The following NRSN1 variants were observed in gnomAD, a reference collection of about 807,000 sequenced individuals.
NRSN1 encodes the protein neurensin-1.
Under a neutral mutation model 17.3 loss-of-function variants are expected in NRSN1, and 14 were observed. The observed-to-expected ratio is 0.81, with a 90% CI of 0.54 to 1.27. The LOEUF (loss-of-function observed/expected upper bound fraction) is 1.27, where lower values mean the gene tolerates loss of function less well. Ranked by LOEUF, NRSN1 falls within the 50% of genes most tolerant of loss-of-function variation. The pLI is 0.00. For missense variants in NRSN1, 209 were observed against 235.9 expected, an observed-to-expected ratio of 0.89 and a Z score of 0.75; for synonymous variants, 79 against 94.2, an observed-to-expected ratio of 0.84 and a Z score of 0.93.
chr6:24,139,622 A>G (rs1342533480), intron 3 of NRSN1, among the ~76,000 whole-genome samples: 1 of 152,188 alleles, frequency 6.6e-6, no homozygotes, highest in Non-Finnish European at 1.5e-5. Flanking sequence ...TGGTTGTCAG[A>G]AATATGGTCT....
At chr6:24,128,769 A>G (rs192292985) in intron 2 of NRSN1, 1 of 152,318 alleles carries the variant, frequency 6.6e-6, no homozygotes, top group East Asian at 1.9e-4. Flanking sequence ...TCATTATCTC[A>G]GAATCATTTT....
At chr6:24,129,222 T>A (rs1027437971) in intron 2 of NRSN1, 1 of 152,234 alleles carries the variant, frequency 6.6e-6, no homozygotes, top group South Asian at 2.1e-4. Context: ...TATTGCTTCA[T>A]GAGTGTGTCT....
chr6:24,136,241 G>A (rs749790117), intron 3 of NRSN1, among the ~76,000 whole-genome samples: 1 of 152,200 alleles, frequency 6.6e-6, no homozygotes, highest in Non-Finnish European at 1.5e-5. Flanking sequence ...AGCTATATTA[G>A]CTACTATTAC....
chr6:24,126,340 G>T lies in NRSN1; in HGVS notation c.-83G>T. The T allele has an allele frequency of 6.2e-6, 1 of 161,352 alleles. No individual in the cohort carries two copies. The highest frequency in any genetic ancestry group is 1.8e-4 in the South Asian group (1 of 5,622). The allele number at this position is 161,352 out of a possible 1,614,324, so 10.0% of individuals were successfully genotyped here. A position where few individuals can be genotyped will look rare whatever the true frequency, so the allele number is the denominator to read the frequency against. On this transcript the variant is annotated splice_region_variant and 5_prime_UTR_variant, in exon 1 of 4. Coordinates refer to ENST00000378491, the MANE Select transcript of NRSN1 (RefSeq NM_080723.5). ...CTCCACGGGTCAGGGGATCGGAGGGGGTAGGTAAAGCCACGCAGAGTCCAG... is the reference window on the plus strand; with the variant it reads ...CTCCACGGGTCAGGGGATCGGAGGGTGTAGGTAAAGCCACGCAGAGTCCAG...
intron 2 of NRSN1, among the ~76,000 whole-genome samples, chr6:24,131,944 G>T (rs1039893153): frequency 4.6e-5 from 7 of 152,068 alleles, no homozygotes; most frequent in African/African-American, 1.7e-4. Flanking sequence ...GTTCGTGTGT[G>T]GGGGAGTGCA....
chr6:24,131,428 G>A (rs1760027384), intron 2 of NRSN1, among the ~76,000 whole-genome samples: 1 of 151,812 alleles, frequency 6.6e-6, no homozygotes, highest in Non-Finnish European at 1.5e-5. Flanking sequence ...ATCTATTTTT[G>A]TCCCTTTTTC....
At chr6:24,128,541 A>G (rs1451381175) in intron 2 of NRSN1, among the ~76,000 whole-genome samples, 2 of 152,262 alleles carry the variant, frequency 1.3e-5, no homozygotes, top group Non-Finnish European at 2.9e-5. Flanking sequence ...GGATTTAAGA[A>G]CATGCTTATA....
intron 2 of NRSN1, among the ~76,000 whole-genome samples, chr6:24,130,126 G>C (rs1760006274): frequency 6.6e-6 from 1 of 152,154 alleles, no homozygotes; most frequent in East Asian, 1.9e-4. Context: ...TCTAAAATAT[G>C]TTCATTAACA....
At chr6:24,129,636 G>A (rs764324005) in intron 2 of NRSN1, 2 of 152,198 alleles carry the variant, frequency 1.3e-5, no homozygotes, top group African/African-American at 4.8e-5. Context: ...AAGCCTCTCA[G>A]AAGAATTTGA....
Position 24,145,240 on chromosome 6 carries a change from TAATATA to T in NRSN1, c.190-305_190-300del, listed in dbSNP as rs1760283163. The stretch of plus-strand genomic sequence containing the variant: ...TATAAAGATTATATATATCTTTAGA[TAATATA>T]AAGATTATATATATATCTTTAGATA... On this transcript the variant is annotated intron_variant, in intron 3 of 3. Transcript: ENST00000378491. This position sits in a 1 kb window ranked among gnomAD's most constrained non-coding sequence, Gnocchi z 4.4. Among the ~76,000 whole-genome samples, 1 of 144,624 alleles carries T rather than the reference TAATATA, an allele frequency of 6.9e-6. No homozygotes were observed. The allele number at this position is 144,624 out of a possible 152,430, so 94.9% of individuals were successfully genotyped here.
intron 3 of NRSN1, among the ~76,000 whole-genome samples, chr6:24,144,045 T>C (rs578201706): frequency 2.5e-4 from 38 of 152,366 alleles, no homozygotes; most frequent in Middle Eastern, 3.4e-3. Flanking sequence ...ATCTTTAGTA[T>C]GTTACATTTC....
rs192939286 is a variant in NRSN1, at chr6:24,134,182, A to G, written c.-9-137A>G. ...CCCCGCCAAGAGAGAGGGGTCTTTA[A>G]AAGTACCTTTTCTGTAATGAAAAGA... On this transcript the variant is annotated intron_variant, in intron 2 of 3. Transcript: ENST00000378491. The G allele has an allele frequency of 8.7e-4, 642 of 735,536 alleles. 6 individuals are homozygous for G. The East Asian group carries it at 0.016, about 18-fold the overall frequency. 45.6% of individuals were successfully genotyped at this position (735,536 alleles called of 1,614,324 possible).
chr6:24,145,446 C>A lies in NRSN1; in HGVS notation c.190-102C>A. On this transcript the variant is annotated intron_variant, in intron 3 of 3. Coordinates refer to ENST00000378491, the MANE Select transcript of NRSN1 (RefSeq NM_080723.5). This position sits in a 1 kb window ranked among gnomAD's most constrained non-coding sequence, Gnocchi z 4.4. ...CAAATTTGGGGTAACTGGGAATATT[C>A]ATTTCTCTCAAGAAACAAGACAAGT... 1.2e-6 allele frequency: 1 copy of A among 834,476 alleles called. No homozygotes were observed. Among genetic ancestry groups the A allele is most frequent in the Non-Finnish European group, 1.8e-6 (1 of 561,296 alleles). The allele number at this position is 834,476 out of a possible 1,614,324, so 51.7% of individuals were successfully genotyped here. A position where few individuals can be genotyped will look rare whatever the true frequency, so the allele number is the denominator to read the frequency against.
intron 3 of NRSN1, chr6:24,141,090 C>T: frequency 1.4e-6 from 2 of 1,405,172 alleles, no homozygotes; most frequent in East Asian, 5.7e-5. Flanking sequence ...GGTTGCTCTG[C>T]TGAGCCTGGA....
chr6:24,139,204 G>A (rs963225466), intron 3 of NRSN1, among the ~76,000 whole-genome samples: 1 of 152,134 alleles, frequency 6.6e-6, no homozygotes, highest in African/African-American at 2.4e-5. Flanking sequence ...TGAGATATTT[G>A]TCTTTCTGTG....
chr6:24,130,958 T>C (rs1760019017), intron 2 of NRSN1, among the ~76,000 whole-genome samples: 2 of 152,332 alleles, frequency 1.3e-5, no homozygotes, highest in African/African-American at 4.8e-5. Flanking sequence ...TGGAATCTCC[T>C]GACCAGTAAG....
chr6:24,146,606 G>C lies in NRSN1; in HGVS notation c.*660G>C. ...GCGCACTGCAGCCTTGAACTCCTGGGCTCAAGCGATCCTCCCACCTCAGCC... is the reference window on the plus strand; with the variant it reads ...GCGCACTGCAGCCTTGAACTCCTGGCCTCAAGCGATCCTCCCACCTCAGCC... On this transcript the variant is annotated 3_prime_UTR_variant, in exon 4 of 4. Coordinates refer to ENST00000378491, the MANE Select transcript of NRSN1 (RefSeq NM_080723.5). 1 of 179,086 alleles carries C rather than the reference G, an allele frequency of 5.6e-6. No homozygotes were observed. The highest frequency in any genetic ancestry group is 1.2e-5 in the Non-Finnish European group (1 of 85,156). 11.1% of individuals were successfully genotyped at this position (179,086 alleles called of 1,614,324 possible). A position where few individuals can be genotyped will look rare whatever the true frequency, so the allele number is the denominator to read the frequency against.
intron 3 of NRSN1, among the ~76,000 whole-genome samples, chr6:24,140,525 A>C (rs962504845): frequency 1.6e-4 from 25 of 152,318 alleles, no homozygotes; most frequent in African/African-American, 5.8e-4. Flanking sequence ...CACCGCTCAG[A>C]GCTCAGGAGA....
At chr6:24,127,964 T>A (rs939274583) in intron 1 of NRSN1, among the ~76,000 whole-genome samples, 164 bp from the exon 2 acceptor site, 5 of 152,220 alleles carry the variant, frequency 3.3e-5, no homozygotes, top group Admixed American at 6.5e-5. Flanking sequence ...TAAAATACAG[T>A]TTAGACTTTT....
Sources: allele counts gnomAD v4.1 joint callset (sites outside exome capture counted in the v4.1 genomes callset), GRCh38; gene constraint gnomAD v4.1.1; non-coding constraint Gnocchi (gnomAD v3.1); transcripts MANE v1.5; gene names NCBI Gene and HGNC (gene_info 2026-07-23, HGNC 2026-07-21).